The following ASTN2 variants were observed in gnomAD, a reference collection of about 807,000 sequenced individuals.
ASTN2 encodes the protein astrotactin 2.
In ASTN2, 54 loss-of-function variants were observed where a neutral mutation model predicts 139.8. The observed-to-expected ratio is 0.39, with a 90% CI of 0.31 to 0.48. The LOEUF (loss-of-function observed/expected upper bound fraction) is 0.48, where lower values mean the gene tolerates loss of function less well. Among genes scored for constraint, ASTN2 ranks in the 20% least tolerant of loss-of-function variants. The pLI, the probability that ASTN2 is intolerant of heterozygous loss-of-function variation, is 0.95. For synonymous variants in ASTN2, 756 were observed against 719.5 expected (o/e 1.05, Z -0.81); for missense variants, 1,565 against 1,725.1 (o/e 0.91, Z 1.64).
chr9:117,369,918 G>A (rs1829944184), intron 1 of ASTN2, among the ~76,000 whole-genome samples: 1 of 151,838 alleles, frequency 6.6e-6, no homozygotes, highest in South Asian at 2.1e-4. Flanking sequence ...TGGTCTTTTG[G>A]GGATTCCACA....
intron 6 of ASTN2, among the ~76,000 whole-genome samples, chr9:117,016,655 T>A (rs374937266): frequency 0.24 from 4,932 of 20,500 alleles, 852 homozygotes; most frequent in African/African-American, 0.4. Flanking sequence ...TATATATATA[T>A]AACCTATATA....
intron 4 of ASTN2, among the ~76,000 whole-genome samples, chr9:117,117,919 TC>T (rs1829439132): frequency 6.6e-6 from 1 of 152,024 alleles, no homozygotes; most frequent in Non-Finnish European, 1.5e-5. Flanking sequence ...GGCCCCTGCG[TC>T]TCATGGCAGC....
chr9:116,770,103 T>A (rs200137539), intron 13 of ASTN2, among the ~76,000 whole-genome samples: 3 of 135,298 alleles, frequency 2.2e-5, no homozygotes, highest in African/African-American at 5.5e-5. Context: ...CTCTGAGAGT[T>A]AAAAAAAAAA....
intron 3 of ASTN2, among the ~76,000 whole-genome samples, chr9:117,147,438 A>AAC (rs35703147): frequency 0.24 from 35,120 of 148,192 alleles, 4,151 homozygotes; most frequent in Middle Eastern, 0.37. Context: ...TCTGACTCAA[A>AAC]ACACACACAC....
chr9:117,144,044 A>G (rs1421691230), intron 3 of ASTN2, among the ~76,000 whole-genome samples: 6 of 152,188 alleles, frequency 3.9e-5, no homozygotes, highest in Non-Finnish European at 8.8e-5. Flanking sequence ...AATTAAGGTT[A>G]GATGAAGTCA....
chr9:117,327,090 C>T (rs1041762795), intron 1 of ASTN2, among the ~76,000 whole-genome samples: 1 of 152,250 alleles, frequency 6.6e-6, no homozygotes. Flanking sequence ...AGCATGCAAC[C>T]TAGAACCCTC....
chr9:116,618,949 G>GA (rs1050025899), intron 18 of ASTN2, among the ~76,000 whole-genome samples: 26 of 149,688 alleles, frequency 1.7e-4, no homozygotes, highest in Non-Finnish European at 3.0e-4. Flanking sequence ...TGCAAAGCAA[G>GA]AAAAAAAAAT....
In ASTN2 at chr9:116,699,405, G is replaced by T. The variant is rs1190502557; in HGVS notation, c.2806+26366C>A. ...GGAGGGTGGCTTTTCCATTGGCTCT[G>T]TAGGCCCTGATGGGCAGCTGGGTCG... On this transcript the variant is annotated intron_variant, in intron 16 of 22. Coordinates refer to ENST00000313400, the MANE Select transcript of ASTN2 (RefSeq NM_001365068.1). The surrounding 1 kb of genome is among the most constrained non-coding windows in gnomAD (Gnocchi z 4.2). 1.5e-5 allele frequency: 25 copies of T among 1,614,192 alleles called. No individual in the cohort carries two copies. The highest frequency in any genetic ancestry group is 2.1e-5 in the Non-Finnish European group (25 of 1,180,034).
At chr9:117,024,445 A>G (rs775958880) in intron 6 of ASTN2, among the ~76,000 whole-genome samples, 3 of 152,090 alleles carry the variant, frequency 2.0e-5, no homozygotes, top group Non-Finnish European at 4.4e-5. Context: ...TATCCTGAAT[A>G]GGGAACAGAT....
At chr9:116,736,216 T>C (rs892706798) in intron 13 of ASTN2, among the ~76,000 whole-genome samples, 3 of 152,240 alleles carry the variant, frequency 2.0e-5, no homozygotes, top group Non-Finnish European at 4.4e-5. Context: ...TTCTATGAGG[T>C]TTAAAAGCAA....
Position 116,922,589 on chromosome 9 carries a change from C to T in ASTN2, c.1889+52619G>A, listed in dbSNP as rs1834643092. On this transcript the variant is annotated intron_variant, in intron 10 of 22. Coordinates refer to ENST00000313400, the MANE Select transcript of ASTN2 (RefSeq NM_001365068.1). Reference sequence around the variant, plus strand: ...AAAAACATGTGATAATGTAAAAGTCCATTACTGGCTGGTGGTGAAATGAAT... The same window carrying T: ...AAAAACATGTGATAATGTAAAAGTCTATTACTGGCTGGTGGTGAAATGAAT... Among the ~76,000 whole-genome samples the T allele has an allele frequency of 2.0e-5, 3 of 152,200 alleles. No homozygotes were observed. In the South Asian group the frequency reaches 6.2e-4, roughly 32 times the overall value.
chr9:116,749,204 C>T (rs1829333167), intron 13 of ASTN2, among the ~76,000 whole-genome samples: 2 of 152,162 alleles, frequency 1.3e-5, no homozygotes, highest in Non-Finnish European at 2.9e-5. Flanking sequence ...ATAGCAGGCT[C>T]TCAATAAATG....
intron 13 of ASTN2, among the ~76,000 whole-genome samples, chr9:116,781,688 A>G (rs556950419): frequency 6.6e-6 from 1 of 152,054 alleles, no homozygotes; most frequent in Non-Finnish European, 1.5e-5. Context: ...TTATAATTAC[A>G]TTTCTTCTGA....
At chr9:116,445,764 G>C (rs1291747291) in intron 20 of ASTN2, among the ~76,000 whole-genome samples, 1 of 152,176 alleles carries the variant, frequency 6.6e-6, no homozygotes, top group Non-Finnish European at 1.5e-5. Flanking sequence ...CAAGTTGGTG[G>C]TCAAGACTCA....
rs1830525662 is a variant in ASTN2 at position 116,790,980 on chromosome 9, AAAGAAAGAAAG to A, written c.2396+14641_2396+14651del. Among the ~76,000 whole-genome samples, 2 of 80,456 alleles carry A rather than the reference AAAGAAAGAAAG, an allele frequency of 2.5e-5. 1 individual carries two copies. Among genetic ancestry groups the A allele is most frequent in the Non-Finnish European group, 5.1e-5 (2 of 39,142 alleles). 52.8% of individuals were successfully genotyped at this position (80,456 alleles called of 152,430 possible). ...AAAAGAAAGAAGGAAAGAAAGAAAG[AAAGAAAGAAAG>A]AAAGAAAGAAAGAAAGAAAGAAAGA... On this transcript the variant is annotated intron_variant, in intron 13 of 22. Coordinates refer to ENST00000313400, the MANE Select transcript of ASTN2 (RefSeq NM_001365068.1).
At chr9:117,274,266 C>A (rs1159582962) in intron 2 of ASTN2, among the ~76,000 whole-genome samples, 1 of 152,144 alleles carries the variant, frequency 6.6e-6, no homozygotes, top group Non-Finnish European at 1.5e-5. Flanking sequence ...AGGAGAATCG[C>A]CTGACTCTGG....
intron 19 of ASTN2, among the ~76,000 whole-genome samples, chr9:116,510,819 A>G (rs1268159713): frequency 1.3e-5 from 2 of 152,112 alleles, no homozygotes; most frequent in Admixed American, 1.3e-4. Context: ...TTATTGGTGT[A>G]TAAGAATGCT....
chr9:116,527,903 C>T (rs1231772929), intron 19 of ASTN2, among the ~76,000 whole-genome samples: 4 of 152,180 alleles, frequency 2.6e-5, no homozygotes, highest in African/African-American at 7.2e-5. Context: ...CTACTGTAAG[C>T]TTCCTGAGGC....
At chr9:116,428,449 G>A (rs370852477) in intron 22 of ASTN2, among the ~76,000 whole-genome samples, 6 of 151,898 alleles carry the variant, frequency 4.0e-5, no homozygotes, top group African/African-American at 7.2e-5. Flanking sequence ...ATTTGAAACC[G>A]TAAGGCGGAG....
Sources: gnomAD v4.1 joint callset for allele counts (sites outside exome capture counted in the v4.1 genomes callset) on GRCh38, gnomAD v4.1.1 for gene constraint, Gnocchi (gnomAD v3.1) non-coding constraint, MANE v1.5 for transcripts, NCBI Gene and HGNC (gene_info 2026-07-23, HGNC 2026-07-21) for gene names.